Variants in LAMA2 observed in about 807,000 individuals in gnomAD.
LAMA2 encodes the protein laminin subunit alpha 2, also known as laminin subunit alpha-2.
In LAMA2, 269 loss-of-function variants were observed where a neutral mutation model predicts 364.8. That is an observed-to-expected ratio of 0.74 (90% CI 0.67 to 0.82). LAMA2 has a LOEUF of 0.82. Ranked by LOEUF, LAMA2 falls within the 40% of genes least tolerant of loss-of-function variation. The pLI is 0.00. For synonymous variants in LAMA2, 1,379 were observed against 1,370.6 expected, an observed-to-expected ratio of 1.01 and a Z score of -0.14; for missense variants, 3,807 against 3,873.2, an observed-to-expected ratio of 0.98 and a Z score of 0.45.
intron 1 of LAMA2, among the ~76,000 whole-genome samples, chr6:128,971,073 A>G (rs905685881): frequency 2.6e-5 from 4 of 152,192 alleles, no homozygotes; most frequent in Non-Finnish European, 5.9e-5. Flanking sequence ...GTGCGTCCTT[A>G]GCTTTGACCA....
At chr6:129,386,311 T>C (rs999594403) in intron 35 of LAMA2, among the ~76,000 whole-genome samples, 1 of 151,908 alleles carries the variant, frequency 6.6e-6, no homozygotes, top group African/African-American at 2.4e-5. Flanking sequence ...CTCAGAGAAG[T>C]TCCAGATCCT....
chr6:129,096,876 C>T (rs929850699), intron 3 of LAMA2, among the ~76,000 whole-genome samples: 1 of 152,322 alleles, frequency 6.6e-6, no homozygotes, highest in African/African-American at 2.4e-5. Context: ...AGCATCAGAG[C>T]CACCTGTATT....
intron 14 of LAMA2, among the ~76,000 whole-genome samples, chr6:129,252,947 C>T (rs530959559): frequency 3.9e-5 from 6 of 152,252 alleles, no homozygotes; most frequent in African/African-American, 1.4e-4. Context: ...GTAATGCCTA[C>T]TTTTCAGGGT....
At chr6:129,063,992 CATTT>C (rs200471298) in intron 3 of LAMA2, among the ~76,000 whole-genome samples, 1,851 of 152,132 alleles carry the variant, frequency 0.012, 38 homozygotes, top group African/African-American at 0.043. Flanking sequence ...TTTTAACAAT[CATTT>C]AAACATATTA....
At chr6:129,215,410 T>G (rs1296451883) in intron 12 of LAMA2, among the ~76,000 whole-genome samples, 1 of 152,116 alleles carries the variant, frequency 6.6e-6, no homozygotes, top group African/African-American at 2.4e-5. Flanking sequence ...CCCCCATATC[T>G]AAGGAGGTTT....
At chr6:129,026,138 T>C (rs573138996) in intron 1 of LAMA2, among the ~76,000 whole-genome samples, 1 of 152,328 alleles carries the variant, frequency 6.6e-6, no homozygotes, top group East Asian at 1.9e-4. Flanking sequence ...GATTTCATAT[T>C]TAATGTGATA....
chr6:128,889,230 A>G (rs554426433), intron 1 of LAMA2, among the ~76,000 whole-genome samples: 2 of 152,344 alleles, frequency 1.3e-5, no homozygotes, highest in South Asian at 2.1e-4. Context: ...ACATGGACAT[A>G]TAGGTACTTT....
In LAMA2 at chr6:129,026,429, CA is replaced by C. The variant is rs796351883; in HGVS notation, c.113-23482del. Among the ~76,000 whole-genome samples the C allele has an allele frequency of 2.2e-3, 327 of 151,780 alleles. 3 individuals carry two copies. The highest frequency in any genetic ancestry group is 7.7e-3 in the African/African-American group (317 of 41,420). ...TATGCACTAAAATTGAGTCTAACTG[CA>C]AAAAAATGAATGCAGTAGCTACACA... is the stretch of plus-strand genomic sequence containing the variant. On this transcript the variant is annotated intron_variant, in intron 1 of 64. Coordinates refer to ENST00000421865, the MANE Select transcript of LAMA2 (RefSeq NM_000426.4).
At chr6:129,136,973 T>C (rs1227361221) in intron 4 of LAMA2, among the ~76,000 whole-genome samples, 1 of 152,164 alleles carries the variant, frequency 6.6e-6, no homozygotes, top group East Asian at 1.9e-4. Context: ...ATCCGTGACC[T>C]GTGGTCACAG....
chr6:128,944,144 A>T (rs770262799), intron 1 of LAMA2, among the ~76,000 whole-genome samples: 3 of 152,210 alleles, frequency 2.0e-5, no homozygotes, highest in South Asian at 4.1e-4. Context: ...ACCTTAAACA[A>T]TATGAATAGA....
intron 12 of LAMA2, among the ~76,000 whole-genome samples, chr6:129,193,280 T>G (rs1264019900): frequency 6.6e-6 from 1 of 152,250 alleles, no homozygotes; most frequent in Non-Finnish European, 1.5e-5. Flanking sequence ...TACTTTTCCT[T>G]CTACCTGATA....
chr6:129,052,617 A>G (rs1468970306), intron 2 of LAMA2, among the ~76,000 whole-genome samples: 1 of 152,064 alleles, frequency 6.6e-6, no homozygotes. Context: ...CAGTCCATGA[A>G]CCTACATTGA....
intron 12 of LAMA2, among the ~76,000 whole-genome samples, chr6:129,200,364 A>G (rs891659436): frequency 4.1e-5 from 5 of 121,522 alleles, no homozygotes; most frequent in Non-Finnish European, 5.8e-5. Context: ...ATATACATAT[A>G]CACGTGTATG....
At chr6:128,940,134 G>C (rs971576195) in intron 1 of LAMA2, among the ~76,000 whole-genome samples, 4 of 151,744 alleles carry the variant, frequency 2.6e-5, no homozygotes, top group African/African-American at 9.7e-5. Flanking sequence ...AATGTGTTCT[G>C]TTCCTTCTAC....
intron 1 of LAMA2, among the ~76,000 whole-genome samples, chr6:128,919,405 G>A (rs982209115): frequency 2.0e-5 from 3 of 152,142 alleles, no homozygotes; most frequent in East Asian, 1.9e-4. Context: ...TCATCATCAT[G>A]TAACAATTAT....
chr6:129,395,427 C>T (rs1779560231), intron 37 of LAMA2, among the ~76,000 whole-genome samples: 2 of 152,124 alleles, frequency 1.3e-5, no homozygotes, highest in South Asian at 4.1e-4. Context: ...GATGAGCCCC[C>T]TTAGAGCAGC....
intron 1 of LAMA2, among the ~76,000 whole-genome samples, chr6:128,991,072 G>A (rs1783579813): frequency 6.6e-6 from 1 of 152,014 alleles, no homozygotes; most frequent in Admixed American, 6.6e-5. Flanking sequence ...ATTTAAGTTG[G>A]ATTTTGATTC....
intron 21 of LAMA2, among the ~76,000 whole-genome samples, chr6:129,299,714 A>G (rs1197808753): frequency 6.6e-6 from 1 of 152,182 alleles, no homozygotes; most frequent in Admixed American, 6.5e-5. Context: ...AATGACTAAC[A>G]TTTATTTAGT....
At chr6:128,981,473 T>C (rs1237479878) in intron 1 of LAMA2, among the ~76,000 whole-genome samples, 5 of 150,980 alleles carry the variant, frequency 3.3e-5, no homozygotes, top group Non-Finnish European at 7.4e-5. Context: ...CTTGGTGCAG[T>C]GGCACACACC....
Sources: gnomAD v4.1 joint callset for allele counts (sites outside exome capture counted in the v4.1 genomes callset) on GRCh38, gnomAD v4.1.1 for gene constraint, MANE v1.5 for transcripts, NCBI Gene and HGNC (gene_info 2026-07-23, HGNC 2026-07-21) for gene names.